NPSR1: variants seen among roughly 807,000 people sequenced by gnomAD.
NPSR1 encodes neuropeptide S receptor 1, also known as neuropeptide S receptor.
Under a neutral mutation model 46.9 loss-of-function variants are expected in NPSR1, and 48 were observed. The observed-to-expected ratio is 1.02, with a 90% CI of 0.81 to 1.30. NPSR1 has a LOEUF of 1.30. Among genes scored for constraint, NPSR1 ranks in the 50% most tolerant of loss-of-function variants. NPSR1 has a pLI of 0.00. For missense variants in NPSR1, 450 were observed against 449.5 expected (o/e 1.00, Z -0.01); for synonymous variants, 176 against 168.1 (o/e 1.05, Z -0.36).
At chr7:34,725,234 A>T (rs938496803) in intron 2 of NPSR1, among the ~76,000 whole-genome samples, 2 of 152,154 alleles carry the variant, frequency 1.3e-5, no homozygotes, top group African/African-American at 4.8e-5. Context: ...ATATTCCAAG[A>T]AGGGAAAATA....
rs537984478 is a variant in NPSR1, at chr7:34,868,874, A to G, written c.1026-9202A>G. Among the ~76,000 whole-genome samples the G allele has an allele frequency of 3.3e-5, 5 of 151,714 alleles. 1 individual carries two copies. The highest frequency in any genetic ancestry group is 1.2e-4 in the African/African-American group (5 of 41,044). On this transcript the variant is annotated intron_variant, in intron 8 of 8. Coordinates refer to the NPSR1 transcript ENST00000359791. ...GAGAAAGAGGTGCGGCTGACCCTCA[A>G]ATCTCCAAAGGCCTGAATCAGGGTG...
chr7:34,827,156 G>A (rs1164350271), intron 4 of NPSR1, among the ~76,000 whole-genome samples: 1 of 152,192 alleles, frequency 6.6e-6, no homozygotes, highest in African/African-American at 2.4e-5. Context: ...AATCAGGAAA[G>A]AAAAAGCACC....
At chr7:34,780,619 C>A (rs553380412) in intron 3 of NPSR1, among the ~76,000 whole-genome samples, 1 of 152,096 alleles carries the variant, frequency 6.6e-6, no homozygotes, top group Non-Finnish European at 1.5e-5. Flanking sequence ...ATGAGCTTTG[C>A]GGTGCTTTGG....
At chr7:34,792,641 G>GTATATATATGTATATATATTTT (rs1562732977) in intron 3 of NPSR1, among the ~76,000 whole-genome samples, 1 of 81,104 alleles carries the variant, frequency 1.2e-5, no homozygotes, top group Non-Finnish European at 2.7e-5. Context: ...GTGTGTATGT[G>GTATATATATGTATATATATTTT]TATATATATA....
chr7:34,767,269 T>G (rs566577673), intron 2 of NPSR1, among the ~76,000 whole-genome samples: 3 of 152,344 alleles, frequency 2.0e-5, no homozygotes, highest in East Asian at 3.9e-4. Context: ...GTCTTATTTT[T>G]GCAACTTTAA....
At chr7:34,792,689 G>GTATATATATATTTT (rs1489386225) in intron 3 of NPSR1, among the ~76,000 whole-genome samples, 48 of 74,282 alleles carry the variant, frequency 6.5e-4, no homozygotes, top group Non-Finnish European at 9.5e-4. Flanking sequence ...ATATATATAT[G>GTATATATATATTTT]TATATATATA....
chr7:34,788,443 T>C (rs1022022302), intron 3 of NPSR1, among the ~76,000 whole-genome samples: 1 of 151,964 alleles, frequency 6.6e-6, no homozygotes. Context: ...TTAGGGCACA[T>C]ATAACTGAAA....
intron 2 of NPSR1, among the ~76,000 whole-genome samples, chr7:34,700,001 C>A (rs189381426): frequency 2.6e-5 from 4 of 152,208 alleles, no homozygotes; most frequent in Admixed American, 2.6e-4. Flanking sequence ...ACTACAAAAG[C>A]CACCCAAGGT....
intron 2 of NPSR1, among the ~76,000 whole-genome samples, chr7:34,738,951 G>T (rs751535653): frequency 6.6e-6 from 1 of 152,052 alleles, no homozygotes; most frequent in Non-Finnish European, 1.5e-5. Flanking sequence ...CTATGAATTT[G>T]CCCATTATGA....
chr7:34,690,088 C>T (rs79888722), intron 2 of NPSR1, among the ~76,000 whole-genome samples: 3,039 of 152,156 alleles, frequency 0.02, 95 homozygotes, highest in African/African-American at 0.069. Flanking sequence ...ACCCAGTACA[C>T]GGCTACTACA....
At chr7:34,749,871 T>A (rs1323565642) in intron 2 of NPSR1, among the ~76,000 whole-genome samples, 1 of 152,222 alleles carries the variant, frequency 6.6e-6, no homozygotes, top group Non-Finnish European at 1.5e-5. Context: ...ACTCTTTCTG[T>A]GTTTGCCCTT....
downstream of NPSR1, among the ~76,000 whole-genome samples, chr7:34,852,730 C>T (rs1176594041): frequency 6.6e-6 from 1 of 152,110 alleles, no homozygotes; most frequent in Non-Finnish European, 1.5e-5. Context: ...GCCTTTGATG[C>T]CCATGTGGAA....
intron 2 of NPSR1, among the ~76,000 whole-genome samples, chr7:34,747,102 C>T (rs975738163): frequency 7.4e-5 from 10 of 135,132 alleles, no homozygotes; most frequent in African/African-American, 1.1e-4. Flanking sequence ...TCCAGCCTGG[C>T]GACAGAGCAA....
Position 34,742,726 on chromosome 7 carries a change from T to C in NPSR1, c.281-35736T>C, listed in dbSNP as rs73325828. ...GTCAAATGGTAGCCCTGCTTTCATCTCTTTGAATGGCAATACTGCATTCCA... is the reference window on the plus strand; with the variant it reads ...GTCAAATGGTAGCCCTGCTTTCATCCCTTTGAATGGCAATACTGCATTCCA... On this transcript the variant is annotated intron_variant, in intron 2 of 8. Transcript: ENST00000360581. Among the ~76,000 whole-genome samples, 140 of 152,338 alleles carry C rather than the reference T, an allele frequency of 9.2e-4. 1 individual carries two copies. Among genetic ancestry groups the C allele is most frequent in the African/African-American group, 3.3e-3 (138 of 41,572 alleles).
intron 3 of NPSR1, among the ~76,000 whole-genome samples, chr7:34,781,312 T>G (rs1211333169): frequency 6.6e-6 from 1 of 152,130 alleles, no homozygotes; most frequent in Non-Finnish European, 1.5e-5. Flanking sequence ...GTAGGAGATA[T>G]TCATCCCTCC....
intron 2 of NPSR1, among the ~76,000 whole-genome samples, chr7:34,777,750 C>T (rs1228957110): frequency 6.6e-6 from 1 of 152,084 alleles, no homozygotes; most frequent in Non-Finnish European, 1.5e-5. Flanking sequence ...GGGTGAGGGG[C>T]AGTTTTTAGA....
chr7:34,847,989 G>A (rs1366385953), intron 7 of NPSR1, among the ~76,000 whole-genome samples: 1 of 152,200 alleles, frequency 6.6e-6, no homozygotes. Flanking sequence ...GGGTGAAAGA[G>A]AACACTGTCA....
intron 3 of NPSR1, among the ~76,000 whole-genome samples, chr7:34,804,521 G>A (rs541773656): frequency 1.3e-5 from 2 of 152,054 alleles, no homozygotes; most frequent in South Asian, 4.1e-4. Context: ...AAGAGAAACT[G>A]CCTCAACTTC....
rs1583923846 is a variant in NPSR1 at position 34,743,273 on chromosome 7, A to T, written c.281-35189A>T. On this transcript the variant is annotated intron_variant, in intron 2 of 8. Transcript: ENST00000360581. ...CTTACGTTGTCTTCCGGGTTTTTAC[A>T]GTTTTGGGTTTTACATTTAAATCTT... Among the ~76,000 whole-genome samples the T allele has an allele frequency of 2.0e-5, 3 of 152,110 alleles. No individual in the cohort carries two copies. The East Asian group carries it at 5.8e-4, about 29-fold the overall frequency.
Sources: allele counts gnomAD v4.1 joint callset (sites outside exome capture counted in the v4.1 genomes callset), GRCh38; gene constraint gnomAD v4.1.1; transcripts MANE v1.5; gene names NCBI Gene and HGNC (gene_info 2026-07-23, HGNC 2026-07-21).